Variants in CMPK2 observed in about 807,000 individuals in gnomAD.
CMPK2 encodes the protein cytidine/uridine monophosphate kinase 2, also known as UMP-CMP kinase 2, mitochondrial.
CMPK2 carries 32 observed loss-of-function variants against 33.4 expected under a neutral mutation model. The observed-to-expected ratio is 0.96, with a 90% CI of 0.72 to 1.29. The LOEUF (loss-of-function observed/expected upper bound fraction) is 1.29. Among genes scored for constraint, CMPK2 ranks in the 50% most tolerant of loss-of-function variants. CMPK2 has a pLI of 0.00. For missense variants in CMPK2, 672 were observed against 616.0 expected (o/e 1.09, Z -0.96); for synonymous variants, 299 against 275.3 (o/e 1.09, Z -0.85).
Position 6,848,883 on chromosome 2 carries a change from C to T in CMPK2, c.*967G>A. 1 of 985,762 alleles carries T rather than the reference C, an allele frequency of 1.0e-6. No homozygotes were observed. Among genetic ancestry groups the T allele is most frequent in the South Asian group, 4.7e-5 (1 of 21,278 alleles). 61.1% of individuals were successfully genotyped at this position (985,762 alleles called of 1,614,324 possible). A position where few individuals can be genotyped will look rare whatever the true frequency, so the allele number is the denominator to read the frequency against. On this transcript the variant is annotated 3_prime_UTR_variant, in exon 5 of 5. Transcript: ENST00000256722. ...AGATAATTTACCAAGAAATCCCACT[C>T]CAAGATCCACTGTACTTATTTAACA...
At chr2:6,856,700 T>G (rs1461749523) in intron 3 of CMPK2, among the ~76,000 whole-genome samples, 1 of 152,248 alleles carries the variant, frequency 6.6e-6, no homozygotes, top group Non-Finnish European at 1.5e-5. Flanking sequence ...TTAAATCTGC[T>G]GTTCAACATC....
intron 3 of CMPK2, among the ~76,000 whole-genome samples, chr2:6,841,175 C>T (rs954087384): frequency 9.2e-5 from 14 of 152,074 alleles, no homozygotes; most frequent in Admixed American, 2.0e-4. Context: ...GAGTCCAAAA[C>T]GAGGAATTAT....
intron 2 of CMPK2, among the ~76,000 whole-genome samples, chr2:6,861,741 C>G (rs1425004534): frequency 6.6e-6 from 1 of 152,222 alleles, no homozygotes; most frequent in African/African-American, 2.4e-5. Context: ...GAACCCACAC[C>G]TGGCATCCAC....
At chr2:6,851,841 A>T (rs1010884105) in intron 3 of CMPK2, among the ~76,000 whole-genome samples, 158 bp from the exon 4 acceptor site, 1 of 152,256 alleles carries the variant, frequency 6.6e-6, no homozygotes, top group African/African-American at 2.4e-5. Context: ...AACTAAAAAA[A>T]GTTATACAAT....
At position 6,865,877 on chromosome 2, in the gene CMPK2, C is replaced by A. The variant is rs1339314292; in HGVS notation, c.-181G>T. 1 of 1,389,968 alleles carries A rather than the reference C, an allele frequency of 7.2e-7. No individual in the cohort carries two copies. The highest frequency in any genetic ancestry group is 9.3e-7 in the Non-Finnish European group (1 of 1,074,198). The allele number at this position is 1,389,968 out of a possible 1,614,324, so 86.1% of individuals were successfully genotyped here. On this transcript the variant is annotated 5_prime_UTR_variant, in exon 1 of 5. The change creates a new upstream start codon in the 5' untranslated region. Coordinates refer to ENST00000256722, the MANE Select transcript of CMPK2 (RefSeq NM_207315.4). ...GCAGGAGCCCTGGGGCTGGGGCGCC[C>A]TTCCGGCCTCTCCTCCTCGCCGCGA...
chr2:6,857,856 C>T (rs533639598), intron 3 of CMPK2, among the ~76,000 whole-genome samples: 3 of 151,330 alleles, frequency 2.0e-5, no homozygotes, highest in African/African-American at 4.9e-5. Flanking sequence ...AGGATGGTCT[C>T]GATCTCCTGA....
chr2:6,858,606 T>C (rs1482230669), intron 3 of CMPK2, among the ~76,000 whole-genome samples: 1 of 151,966 alleles, frequency 6.6e-6, no homozygotes, highest in African/African-American at 2.4e-5. Context: ...CAAGATCTGA[T>C]GGTTTTAAAA....
intron 3 of CMPK2, among the ~76,000 whole-genome samples, chr2:6,859,122 G>A (rs1302149953): frequency 2.0e-5 from 3 of 152,216 alleles, no homozygotes; most frequent in African/African-American, 7.2e-5. Context: ...GAGATTTGTG[G>A]AACTTTGAAC....
upstream of CMPK2, chr2:6,866,384 A>G: frequency 1.1e-6 from 1 of 942,536 alleles, no homozygotes; most frequent in Non-Finnish European, 1.3e-6. Context: ...TCACCTGTGC[A>G]CTCACTCACC....
intron 3 of CMPK2, among the ~76,000 whole-genome samples, chr2:6,843,097 C>T (rs753837081): frequency 6.6e-6 from 1 of 152,164 alleles, no homozygotes; most frequent in Non-Finnish European, 1.5e-5. Context: ...ATAATGCTTG[C>T]CCAAACAAGT....
intron 3 of CMPK2, among the ~76,000 whole-genome samples, chr2:6,857,196 T>C (rs1448879): frequency 0.95 from 145,231 of 152,320 alleles, 69,602 homozygotes; most frequent in East Asian, 1. Flanking sequence ...CTCATGGTGA[T>C]TATAATCTTC....
At chr2:6,866,149 CG>C (rs1231292331), upstream of CMPK2, 2 of 208,180 alleles carry the variant, frequency 9.6e-6, no homozygotes, top group Non-Finnish European at 2.0e-5. Context: ...GGGGTGCACG[CG>C]CGAGGGACAG....
rs749963971 is a variant in CMPK2 at position 6,865,349 on chromosome 2, G to C, written c.348C>G (p.Leu116=). The C allele has an allele frequency of 2.1e-6, 3 of 1,450,356 alleles. No individual in the cohort carries two copies. The East Asian group carries it at 8.9e-5, about 43-fold the overall frequency. 89.8% of individuals were successfully genotyped at this position (1,450,356 alleles called of 1,614,324 possible). The change falls in exon 1 of 5, where the codon CTC becomes CTG. Residue 116 remains leucine (L), a synonymous_variant. Transcript: ENST00000256722. ...PFQRCQLLRL[L]CYCPGGQAGG... ...CGGCCTGGCCGCCCGGGCAGTAGCA[G>C]AGCAGCCTGAGCAGCTGGCACCGCT...
intron 2 of CMPK2, 32 bp downstream of exon 2, chr2:6,863,432 T>C: frequency 5.1e-6 from 8 of 1,557,402 alleles, no homozygotes; most frequent in Non-Finnish European, 7.1e-6. Flanking sequence ...GTTAGTGTCA[T>C]TGCCTATAAC....
chr2:6,864,084 T>C (rs758220687), intron 1 of CMPK2, among the ~76,000 whole-genome samples: 4 of 152,186 alleles, frequency 2.6e-5, no homozygotes, highest in South Asian at 4.1e-4. Context: ...TCAATGTGCA[T>C]TATCTCACTG....
At position 6,861,369 on chromosome 2, in the gene CMPK2, G is replaced by C; in HGVS notation, c.807C>G (p.Thr269=). The part of the protein sequence containing the change: ...GLDATGKTTV[T]QSVADSLKAV... ...CCTTAAGTGAATCTGCCACTGACTGGGTCACCGTGGTTTTACCTGCAGGTC... is the reference window on the plus strand; with the variant it reads ...CCTTAAGTGAATCTGCCACTGACTGCGTCACCGTGGTTTTACCTGCAGGTC... The change falls in exon 3 of 5, where the codon ACC becomes ACG. Residue 269 remains threonine (T), a synonymous_variant. Coordinates refer to ENST00000256722, the MANE Select transcript of CMPK2 (RefSeq NM_207315.4). 1 of 1,613,934 alleles carries C rather than the reference G, an allele frequency of 6.2e-7. No homozygotes were observed. Among genetic ancestry groups the C allele is most frequent in the Non-Finnish European group, 8.5e-7 (1 of 1,179,910 alleles).
At chr2:6,850,994 C>T (rs1662504087) in intron 4 of CMPK2, 1 of 1,007,360 alleles carries the variant, frequency 9.9e-7, no homozygotes, top group African/African-American at 1.7e-5. Context: ...TCACTTAATC[C>T]TTTGAGCCTT....
intron 3 of CMPK2, among the ~76,000 whole-genome samples, chr2:6,857,331 AT>A (rs796422164): frequency 0.068 from 8,498 of 125,222 alleles, 505 homozygotes; most frequent in African/African-American, 0.19. Context: ...TGTTTTTGGG[AT>A]TTTTTTTTTT....
In CMPK2 at chr2:6,865,256, G is replaced by C. The variant is rs923832013; in HGVS notation, c.441C>G (p.Leu147=). The stretch of plus-strand genomic sequence containing the variant: ...CCTCCTGACAGGCGCCCAGCAGCTC[G>C]AGCAGCGCTTGCCGGGTGTCAGGGT... The part of the protein sequence containing the change: ...LDDPDTRQAL[L]ELLGACQEAP... Residue 147 remains leucine, a synonymous_variant, in exon 1 of 5, where the codon CTC becomes CTG. Coordinates refer to ENST00000256722, the MANE Select transcript of CMPK2 (RefSeq NM_207315.4). 1.3e-5 allele frequency: 20 copies of C among 1,537,942 alleles called. 1 individual carries two copies. The South Asian group carries it at 1.5e-4, about 12-fold the overall frequency.
Sources: gnomAD v4.1 joint callset for allele counts (sites outside exome capture counted in the v4.1 genomes callset) on GRCh38, gnomAD v4.1.1 for gene constraint, MANE v1.5 for transcripts, NCBI Gene and HGNC (gene_info 2026-07-23, HGNC 2026-07-21) for gene names.